The following ZC3H15 variants were observed in gnomAD, a reference collection of about 807,000 sequenced individuals.
ZC3H15 encodes the protein zinc finger CCCH domain-containing protein 15.
In ZC3H15, 15 loss-of-function variants were observed where a neutral mutation model predicts 51.2. The ratio of observed to expected loss-of-function variants is 0.29; its 90% CI spans 0.20 to 0.45. The LOEUF is 0.45. Among genes scored for constraint, ZC3H15 ranks in the 20% least tolerant of loss-of-function variants. ZC3H15 has a pLI of 1.00. For missense variants in ZC3H15, 381 were observed against 494.7 expected (o/e 0.77, Z 2.18); for synonymous variants, 144 against 162.8 (o/e 0.88, Z 0.88).
At position 186,508,801 on chromosome 2, in the gene ZC3H15, T is replaced by C. The variant is rs2105596196; in HGVS notation, c.*68T>C. The stretch of plus-strand genomic sequence containing the variant: ...GTTGAAATTGACTACATTAATTTCT[T>C]TCCACCTAGAATCAACAGGATGTTT... On this transcript the variant is annotated 3_prime_UTR_variant, in exon 10 of 10. Coordinates refer to ENST00000337859, the MANE Select transcript of ZC3H15 (RefSeq NM_018471.3). 6.6e-7 allele frequency: 1 copy of C among 1,510,712 alleles called. No homozygotes were observed. Among genetic ancestry groups the C allele is most frequent in the South Asian group, 1.2e-5 (1 of 84,296 alleles). 93.6% of individuals were successfully genotyped at this position (1,510,712 alleles called of 1,614,324 possible). A position where few individuals can be genotyped will look rare whatever the true frequency, so the allele number is the denominator to read the frequency against.
chr2:186,488,707 G>C (rs771149965), intron 1 of ZC3H15: 4 of 152,240 alleles, frequency 2.6e-5, no homozygotes, highest in Non-Finnish European at 5.9e-5. Flanking sequence ...GGCTAATGGA[G>C]TCATCTGTAG....
At chr2:186,505,892 T>C (rs1484131070) in intron 8 of ZC3H15, 51 bp downstream of exon 8, 3 of 1,569,580 alleles carry the variant, frequency 1.9e-6, no homozygotes, top group Non-Finnish European at 2.6e-6. Flanking sequence ...AAAGAAACAA[T>C]AGAAAATACC....
chr2:186,506,615 T>C (rs1685471379), intron 8 of ZC3H15, 98 bp from the exon 9 acceptor site: 3 of 1,372,410 alleles, frequency 2.2e-6, no homozygotes, highest in African/African-American at 2.9e-5. Context: ...TTGTTTTCAC[T>C]TGGATCAGTG....
chr2:186,502,722 C>A, intron 5 of ZC3H15, 135 bp downstream of exon 5: 3 of 640,068 alleles, frequency 4.7e-6, no homozygotes, highest in Non-Finnish European at 7.6e-6. Context: ...AGATAAGGTA[C>A]ACGAAGCTTT....
chr2:186,502,409 T>C (rs1685400335), intron 4 of ZC3H15, 87 bp from the exon 5 acceptor site: 1 of 1,150,846 alleles, frequency 8.7e-7, no homozygotes, highest in Non-Finnish European at 1.2e-6. Context: ...CCATGAGTCT[T>C]ATAACACAGC....
rs1450508417 is a variant in ZC3H15, at chr2:186,495,373, A to G, written c.177+39A>G. 4 of 1,113,422 alleles carry G rather than the reference A, an allele frequency of 3.6e-6. No individual in the cohort carries two copies. The East Asian group carries it at 9.4e-5, about 26-fold the overall frequency. 69.0% of individuals were successfully genotyped at this position (1,113,422 alleles called of 1,614,324 possible). ...ATGTCCATATCTTTTTATAAATGTA[A>G]TATTAATATAGCCTCTGTTTCAGAT... is the stretch of plus-strand genomic sequence containing the variant. On this transcript the variant is annotated intron_variant, in intron 2 of 9. Transcript: ENST00000337859.
At position 186,505,756 on chromosome 2, in the gene ZC3H15, T is replaced by C; in HGVS notation, c.881T>C (p.Val294Ala). Reference protein sequence around the residue: ...GKALVISGREVFEFRPELVND... With the variant: ...GKALVISGREAFEFRPELVND... ...TCTCAATAGATCAGTGGTCGTGAAG[T>C]GTTTGAATTTCGTCCTGAACTGGTC... Residue 294 changes from valine to alanine, a missense_variant, in exon 8 of 10, where the codon GTG becomes GCG. By Grantham distance (64) the Val-to-Ala change is moderately conservative (BLOSUM62 0). This residue lies in a region of ZC3H15 where 215 missense variants were observed against 241.8 expected (regional missense o/e 0.89). Transcript: ENST00000337859. 1 of 1,614,072 alleles carries C rather than the reference T, an allele frequency of 6.2e-7. No individual in the cohort carries two copies. Among genetic ancestry groups the C allele is most frequent in the Non-Finnish European group, 8.5e-7 (1 of 1,179,986 alleles).
At chr2:186,497,064 T>C (rs1317694713) in intron 2 of ZC3H15, 1 of 377,450 alleles carries the variant, frequency 2.6e-6, no homozygotes, top group Non-Finnish European at 5.0e-6. Context: ...TGTAGCCCCT[T>C]TTTTTTTCAG....
In ZC3H15 at chr2:186,505,527, A is replaced by T; in HGVS notation, c.794A>T (p.Glu265Val). The T allele has an allele frequency of 6.2e-7, 1 of 1,606,926 alleles. No homozygotes were observed. The highest frequency in any genetic ancestry group is 1.3e-5 in the African/African-American group (1 of 74,472). Residue 265 changes from glutamate to valine, a missense_variant, in exon 7 of 10, where the codon GAA becomes GTA. Transcript: ENST00000337859. ...GCCTGGAAGAAAAGGAAAAGACAAG[A>T]AAAGATTGATAAACTTGAACAAGAT... ...FLAWKKRKRQEKIDKLEQDME... is the reference protein window; with the variant it reads ...FLAWKKRKRQVKIDKLEQDME...
At chr2:186,487,159 CATCTATGT>C (rs1449189823) in intron 1 of ZC3H15, 5 of 152,054 alleles carry the variant, frequency 3.3e-5, no homozygotes, top group Admixed American at 1.3e-4. Context: ...TATATGTATA[CATCTATGT>C]GTGTGTATAT....
intron 1 of ZC3H15, among the ~76,000 whole-genome samples, chr2:186,491,491 G>A (rs1009947797): frequency 3.3e-5 from 5 of 152,154 alleles, no homozygotes; most frequent in African/African-American, 1.2e-4. Context: ...TCTAACACAG[G>A]AAGTCTGCCT....
intron 8 of ZC3H15, 80 bp from the exon 9 acceptor site, chr2:186,506,633 T>G (rs2105594783): frequency 6.9e-7 from 1 of 1,456,940 alleles, no homozygotes; most frequent in East Asian, 2.3e-5. Flanking sequence ...GTGATAATTT[T>G]GGCTCATTAA....
intron 9 of ZC3H15, chr2:186,507,536 A>G (rs1211929049): frequency 2.2e-6 from 1 of 454,448 alleles, no homozygotes; most frequent in Non-Finnish European, 4.4e-6. Context: ...AAGTATAAAT[A>G]ATGAGTTAGG....
chr2:186,488,170 T>C (rs1685135840), intron 1 of ZC3H15, among the ~76,000 whole-genome samples: 1 of 152,194 alleles, frequency 6.6e-6, no homozygotes, highest in Non-Finnish European at 1.5e-5. Flanking sequence ...ATTTTTTTAA[T>C]TTATTTTTTG....
intron 1 of ZC3H15, among the ~76,000 whole-genome samples, chr2:186,494,808 C>T (rs141792267): frequency 0.015 from 2,227 of 151,980 alleles, 55 homozygotes; most frequent in African/African-American, 0.051. Flanking sequence ...CATCACACAC[C>T]GGGGCCTGTT....
At chr2:186,486,741 G>C in intron 1 of ZC3H15, 1 of 375,844 alleles carries the variant, frequency 2.7e-6, no homozygotes, top group Non-Finnish European at 4.8e-6. Context: ...CTGGCACAGG[G>C]TTTTATCCTT....
intron 1 of ZC3H15, 33 bp downstream of exon 1, chr2:186,486,490 G>A (rs1281729445): frequency 1.7e-5 from 26 of 1,516,576 alleles, no homozygotes; most frequent in Non-Finnish European, 2.2e-5. Flanking sequence ...CTCACGCCGC[G>A]AGCCCTCCGG....
In ZC3H15 at chr2:186,504,328, A is replaced by T. The variant is rs534761311; in HGVS notation, c.717+114A>T. On this transcript the variant is annotated intron_variant, in intron 6 of 9. Transcript: ENST00000337859. Reference sequence around the variant, plus strand: ...ATGAAAGGAAAAAAAAAATATTGTGATCTATTCCCAAAGTTGCCCTACTTT... The same window carrying T: ...ATGAAAGGAAAAAAAAAATATTGTGTTCTATTCCCAAAGTTGCCCTACTTT... 3.2e-6 allele frequency: 3 copies of T among 933,580 alleles called. No individual in the cohort carries two copies. The African/African-American group carries it at 5.1e-5, about 16-fold the overall frequency. The allele number at this position is 933,580 out of a possible 1,614,324, so 57.8% of individuals were successfully genotyped here.
At chr2:186,502,273 G>C (rs1021947020) in intron 4 of ZC3H15, among the ~76,000 whole-genome samples, 3 of 151,994 alleles carry the variant, frequency 2.0e-5, no homozygotes, top group African/African-American at 7.2e-5. Flanking sequence ...AATTGATCGA[G>C]CTCAGTCAAT....
Sources: gnomAD v4.1 joint callset for allele counts (sites outside exome capture counted in the v4.1 genomes callset) on GRCh38, gnomAD v4.1.1 for gene constraint, gnomAD v4.1.1 regional missense constraint, MANE v1.5 for transcripts, NCBI Gene and HGNC (gene_info 2026-07-23, HGNC 2026-07-21) for gene names.